The following DPY19L4 variants were observed in gnomAD, a reference collection of about 807,000 sequenced individuals.
DPY19L4 encodes the protein probable C-mannosyltransferase DPY19L4.
DPY19L4 carries 97 observed loss-of-function variants against 102.8 expected under a neutral mutation model. The ratio of observed to expected loss-of-function variants is 0.94; its 90% CI spans 0.80 to 1.12. DPY19L4 has a LOEUF of 1.12. DPY19L4 is among the 50% of genes most tolerant of loss of function. The pLI is 0.00. For synonymous variants in DPY19L4, 252 were observed against 283.1 expected (o/e 0.89, Z 1.10); for missense variants, 815 against 850.4 (o/e 0.96, Z 0.52).
chr8:94,722,217 C>A (rs1208591254), intron 1 of DPY19L4, among the ~76,000 whole-genome samples: 1 of 152,028 alleles, frequency 6.6e-6, no homozygotes, highest in Non-Finnish European at 1.5e-5. Context: ...ACCAGCCTGG[C>A]CAATATGGTG....
intron 2 of DPY19L4, among the ~76,000 whole-genome samples, chr8:94,732,219 T>C (rs1810990421): frequency 6.6e-6 from 1 of 151,996 alleles, no homozygotes; most frequent in African/African-American, 2.4e-5. Context: ...AAAATTTTAG[T>C]TTAGCTAAAA....
intron 17 of DPY19L4, among the ~76,000 whole-genome samples, chr8:94,785,635 GA>G (rs1813620327): frequency 6.6e-6 from 1 of 152,178 alleles, no homozygotes; most frequent in African/African-American, 2.4e-5. Flanking sequence ...CGAATGATTA[GA>G]TCTGCTTTGG....
intron 6 of DPY19L4, 79 bp downstream of exon 6, chr8:94,739,869 C>T (rs538238560): frequency 1.3e-6 from 2 of 1,528,076 alleles, no homozygotes; most frequent in South Asian, 2.4e-5. Flanking sequence ...CCTCCCCTCC[C>T]CAACAGTCCT....
In DPY19L4 at chr8:94,738,459, G is replaced by A; in HGVS notation, c.343G>A (p.Gly115Ser). ...DMLKAPSFER[G>S]VYELTHNNKT... The stretch of plus-strand genomic sequence containing the variant: ...GTTAAAGGCACCTTCATTTGAAAGA[G>A]GTATGATAATCACAGTTATATTTTT... The change falls in exon 4 of 19, where the codon GGT becomes AGT. Residue 115 changes from glycine to serine, a missense_variant and splice_region_variant. Physicochemically the swap from Gly to Ser is moderately conservative, Grantham distance 56. Coordinates refer to ENST00000414645, the MANE Select transcript of DPY19L4 (RefSeq NM_181787.3). 6.7e-7 allele frequency: 1 copy of A among 1,491,734 alleles called. No homozygotes were observed. The highest frequency in any genetic ancestry group is 9.0e-7 in the Non-Finnish European group (1 of 1,107,264). The allele number at this position is 1,491,734 out of a possible 1,614,324, so 92.4% of individuals were successfully genotyped here. A position where few individuals can be genotyped will look rare whatever the true frequency, so the allele number is the denominator to read the frequency against.
chr8:94,783,838 T>C (rs766803202), intron 17 of DPY19L4, 36 bp downstream of exon 17: 1 of 1,609,996 alleles, frequency 6.2e-7, no homozygotes, highest in Non-Finnish European at 8.5e-7. Context: ...GGATCTCTTT[T>C]CCAGCACTTT....
Position 94,719,928 on chromosome 8 carries a change from T to C in DPY19L4, c.-71T>C. 1 of 1,442,816 alleles carries C rather than the reference T, an allele frequency of 6.9e-7. No homozygotes were observed. Among genetic ancestry groups the C allele is most frequent in the South Asian group, 1.4e-5 (1 of 71,494 alleles). The allele number at this position is 1,442,816 out of a possible 1,614,324, so 89.4% of individuals were successfully genotyped here. ...AGCGGGCCCCCGGAGGCCGAGGGGT[T>C]CGGCGACGCGGAGGGAGGGAGAGTC... On this transcript the variant is annotated 5_prime_UTR_variant, in exon 1 of 19. Coordinates refer to ENST00000414645, the MANE Select transcript of DPY19L4 (RefSeq NM_181787.3).
At position 94,770,832 on chromosome 8, in the gene DPY19L4, A is replaced by G. The variant is rs1175366094; in HGVS notation, c.1454+261A>G. ...TCGAACCTGGGAGGTAGAAGTTGCA[A>G]TGAGCCGAGATTGCGCCACTGCACT... On this transcript the variant is annotated intron_variant, in intron 13 of 18. Transcript: ENST00000414645. Among the ~76,000 whole-genome samples, 3 of 152,068 alleles carry G rather than the reference A, an allele frequency of 2.0e-5. No individual in the cohort carries two copies. The highest frequency in any genetic ancestry group is 3.4e-3 in the Middle Eastern group (1 of 294).
At chr8:94,750,069 C>T (rs951056720) in intron 6 of DPY19L4, among the ~76,000 whole-genome samples, 1 of 152,136 alleles carries the variant, frequency 6.6e-6, no homozygotes, top group Admixed American at 6.6e-5. Flanking sequence ...GATTCTCATG[C>T]CTCAGCCTCT....
chr8:94,781,027 T>C, intron 15 of DPY19L4, 57 bp from the exon 16 acceptor site: 2 of 1,438,466 alleles, frequency 1.4e-6, no homozygotes, highest in Non-Finnish European at 1.9e-6. Flanking sequence ...GTTTTAAACT[T>C]TCTAATTACT....
chr8:94,734,509 C>G, intron 2 of DPY19L4, 121 bp from the exon 3 acceptor site: 1 of 989,314 alleles, frequency 1.0e-6, no homozygotes, highest in East Asian at 2.7e-5. Flanking sequence ...ATGCTTTTCT[C>G]ACAATTAGAC....
Position 94,787,999 on chromosome 8 carries a change from G to A in DPY19L4, c.1954G>A (p.Gly652Arg). 2.0e-6 allele frequency: 3 copies of A among 1,512,518 alleles called. No individual in the cohort carries two copies. Among genetic ancestry groups the A allele is most frequent in the East Asian group, 2.6e-5 (1 of 38,270 alleles). 93.7% of individuals were successfully genotyped at this position (1,512,518 alleles called of 1,614,324 possible). A position where few individuals can be genotyped will look rare whatever the true frequency, so the allele number is the denominator to read the frequency against. Residue 652 changes from glycine (G) to arginine (R), a missense_variant, in exon 18 of 19, where the codon GGA becomes AGA. Coordinates refer to ENST00000414645, the MANE Select transcript of DPY19L4 (RefSeq NM_181787.3). ...AGAGGATGCTATCTGCAATGAGGTG[G>A]GACCCATGAGAGGCTGTAGGGTTAA... Reference protein sequence around the residue: ...IVEDAICNEVGPMRGCRVKDL... With the variant: ...IVEDAICNEVRPMRGCRVKDL...
At chr8:94,786,813 G>A (rs1478987177) in intron 17 of DPY19L4, among the ~76,000 whole-genome samples, 3 of 152,160 alleles carry the variant, frequency 2.0e-5, no homozygotes, top group African/African-American at 7.2e-5. Flanking sequence ...CTCCCAAAGT[G>A]CTGGGATTAC....
chr8:94,764,681 C>CTGTGTGTGTGTGTGTG lies in DPY19L4; in HGVS notation c.871-493_871-492insGTGTGTGTGTGTGTGT, dbSNP rs1283759337. On this transcript the variant is annotated intron_variant, in intron 8 of 18. Transcript: ENST00000414645. The stretch of plus-strand genomic sequence containing the variant: ...TGTATGTATGCGTGTGTGTGTGTGT[C>CTGTGTGTGTGTGTGTG]TGTGTGTGTATATATATATATATAT... Among the ~76,000 whole-genome samples the CTGTGTGTGTGTGTGTG allele has an allele frequency of 4.8e-3, 335 of 69,898 alleles. 6 individuals carry two copies. Among genetic ancestry groups the CTGTGTGTGTGTGTGTG allele is most frequent in the African/African-American group, 0.018 (304 of 16,908 alleles). The allele number at this position is 69,898 out of a possible 152,430, so 45.9% of individuals were successfully genotyped here.
intron 6 of DPY19L4, among the ~76,000 whole-genome samples, chr8:94,748,476 AT>A (rs1419082575): frequency 6.6e-6 from 1 of 152,072 alleles, no homozygotes; most frequent in African/African-American, 2.4e-5. Flanking sequence ...TTTCAAAAAA[AT>A]TTTTTGGGAT....
At chr8:94,783,482 G>A (rs537394203) in intron 16 of DPY19L4, among the ~76,000 whole-genome samples, 188 bp from the exon 17 acceptor site, 1 of 150,682 alleles carries the variant, frequency 6.6e-6, no homozygotes, top group African/African-American at 2.4e-5. Flanking sequence ...TTCAGCACAA[G>A]TGTCTGCTGC....
chr8:94,744,354 A>T (rs1161706727), intron 6 of DPY19L4: 1 of 456,656 alleles, frequency 2.2e-6, no homozygotes, highest in Admixed American at 2.3e-5. Context: ...GCAGCATGCA[A>T]CTTGGCAGCT....
chr8:94,749,992 G>A (rs942937942), intron 6 of DPY19L4, among the ~76,000 whole-genome samples: 7 of 152,136 alleles, frequency 4.6e-5, no homozygotes, highest in Non-Finnish European at 5.9e-5. Flanking sequence ...GTCTTGCTCT[G>A]TAACCCAGGC....
intron 12 of DPY19L4, among the ~76,000 whole-genome samples, chr8:94,768,774 G>C (rs903208285): frequency 6.6e-6 from 1 of 151,876 alleles, no homozygotes; most frequent in Non-Finnish European, 1.5e-5. Context: ...CGGGCAGATC[G>C]CAAGGTTGGG....
intron 7 of DPY19L4, 86 bp from the exon 8 acceptor site, chr8:94,761,614 G>T: frequency 1.7e-6 from 2 of 1,200,160 alleles, no homozygotes. Context: ...ACGAGTAACA[G>T]AGCTACAACT....
Sources: gnomAD v4.1 joint callset for allele counts (sites outside exome capture counted in the v4.1 genomes callset) on GRCh38, gnomAD v4.1.1 for gene constraint, MANE v1.5 for transcripts, NCBI Gene and HGNC (gene_info 2026-07-23, HGNC 2026-07-21) for gene names.